STAC: variants seen among roughly 807,000 people sequenced by gnomAD.
The protein encoded by STAC is SH3 and cysteine rich domain, also known as SH3 and cysteine-rich domain-containing protein.
In STAC, 43 loss-of-function variants were observed where a neutral mutation model predicts 48.8. The ratio of observed to expected loss-of-function variants is 0.88; its 90% confidence interval spans 0.69 to 1.14. The LOEUF is 1.14. Among genes scored for constraint, STAC ranks in the 50% most tolerant of loss-of-function variants. STAC has a pLI of 0.00. For missense variants in STAC, 497 were observed against 504.0 expected (o/e 0.99, Z 0.13); for synonymous variants, 193 against 179.5 (o/e 1.07, Z -0.60).
intron 10 of STAC, among the ~76,000 whole-genome samples, chr3:36,542,757 C>A (rs1268760950): frequency 6.6e-6 from 1 of 152,208 alleles, no homozygotes; most frequent in African/African-American, 2.4e-5. Flanking sequence ...GCCATCAAAA[C>A]AGCCACAGCC....
chr3:36,515,626 GT>G (rs1698652733), intron 8 of STAC, among the ~76,000 whole-genome samples: 1 of 152,176 alleles, frequency 6.6e-6, no homozygotes, highest in African/African-American at 2.4e-5. Flanking sequence ...TTACCCATTT[GT>G]CTGGTGTTCA....
intron 1 of STAC, among the ~76,000 whole-genome samples, chr3:36,391,391 A>T (rs759681549): frequency 6.6e-6 from 1 of 152,128 alleles, no homozygotes; most frequent in Non-Finnish European, 1.5e-5. Context: ...TTATCATTTC[A>T]TCCACCAGCT....
intron 2 of STAC, among the ~76,000 whole-genome samples, chr3:36,454,295 C>G (rs533823310): frequency 3.9e-5 from 6 of 152,074 alleles, no homozygotes; most frequent in Admixed American, 3.9e-4. Flanking sequence ...AGCAAGACCA[C>G]GAGCCCACCG....
intron 1 of STAC, among the ~76,000 whole-genome samples, chr3:36,424,991 T>C (rs906613406): frequency 3.3e-5 from 5 of 152,152 alleles, no homozygotes; most frequent in Non-Finnish European, 7.3e-5. Flanking sequence ...GGTAATAAGT[T>C]TGAAGGCAAA....
chr3:36,519,582 C>T (rs937959320), intron 8 of STAC, among the ~76,000 whole-genome samples: 20 of 152,318 alleles, frequency 1.3e-4, no homozygotes, highest in African/African-American at 4.8e-4. Context: ...TGGCCCCTCA[C>T]ATCACTTATT....
At position 36,543,266 on chromosome 3, in the gene STAC, T is replaced by C. The variant is rs528367363; in HGVS notation, c.1111-2925T>C. 8.5e-5 allele frequency among the ~76,000 whole-genome samples: 13 copies of C among 152,296 alleles called. No homozygotes were observed. In the East Asian group the frequency reaches 2.5e-3, roughly 29 times the overall value. ...AAATGTTTCAGGCTCTGCCATTGTTTCCTAAAATGGTAGATTCTCAAGGCT... is the reference window on the plus strand; with the variant it reads ...AAATGTTTCAGGCTCTGCCATTGTTCCCTAAAATGGTAGATTCTCAAGGCT... On this transcript the variant is annotated intron_variant, in intron 10 of 10. Transcript: ENST00000273183.
chr3:36,547,003 G>A lies in STAC; in HGVS notation c.*714G>A, dbSNP rs1699463208. ...TCCTGCTGTTCTAGGTACTGGCCTG[G>A]GTGACAGAGCAGGACATGAGACATA... On this transcript the variant is annotated 3_prime_UTR_variant, in exon 11 of 11. Coordinates refer to ENST00000273183, the MANE Select transcript of STAC (RefSeq NM_003149.3). 6.6e-6 allele frequency: 1 copy of A among 152,366 alleles called. No homozygotes were observed. Among genetic ancestry groups the A allele is most frequent in the Admixed American group, 6.5e-5 (1 of 15,284 alleles). 9.4% of individuals were successfully genotyped at this position (152,366 alleles called of 1,614,324 possible). A position where few individuals can be genotyped will look rare whatever the true frequency, so the allele number is the denominator to read the frequency against.
chr3:36,385,029 A>T (rs1343140537), intron 1 of STAC, among the ~76,000 whole-genome samples: 1 of 152,196 alleles, frequency 6.6e-6, no homozygotes, highest in Non-Finnish European at 1.5e-5. Context: ...CTTTGCATTG[A>T]AATCACCAAG....
intron 2 of STAC, among the ~76,000 whole-genome samples, chr3:36,458,412 A>G (rs1696910657): frequency 6.6e-6 from 1 of 152,212 alleles, no homozygotes; most frequent in African/African-American, 2.4e-5. Context: ...AAATATCACA[A>G]TGAGAAGACA....
intron 8 of STAC, among the ~76,000 whole-genome samples, chr3:36,525,642 C>CTTAGTATCAAACACT (rs1335708157): frequency 1.3e-5 from 2 of 152,212 alleles, no homozygotes; most frequent in African/African-American, 4.8e-5. Flanking sequence ...GATACTGACT[C>CTTAGTATCAAACACT]ATGGTTTCTT....
intron 2 of STAC, among the ~76,000 whole-genome samples, chr3:36,463,631 A>G (rs943556462): frequency 1.3e-5 from 2 of 150,948 alleles, no homozygotes; most frequent in African/African-American, 4.9e-5. Context: ...GTCATTCAAC[A>G]TTAGGTATAT....
intron 10 of STAC, among the ~76,000 whole-genome samples, chr3:36,539,230 G>A (rs1007157595): frequency 1.3e-5 from 2 of 151,700 alleles, no homozygotes; most frequent in African/African-American, 4.8e-5. Context: ...TAAGTTCAGG[G>A]GTACAGTGCA....
At chr3:36,421,870 T>C (rs1044648185) in intron 1 of STAC, among the ~76,000 whole-genome samples, 10 of 152,088 alleles carry the variant, frequency 6.6e-5, no homozygotes, top group African/African-American at 2.4e-4. Flanking sequence ...TTTCCTGAAC[T>C]CTTCAAGACC....
At chr3:36,484,295 T>C (rs1366003704) in intron 3 of STAC, among the ~76,000 whole-genome samples, 3 of 152,220 alleles carry the variant, frequency 2.0e-5, no homozygotes, top group Non-Finnish European at 4.4e-5. Flanking sequence ...TCTGGAATTC[T>C]AGAAGGGACT....
intron 2 of STAC, among the ~76,000 whole-genome samples, chr3:36,480,514 C>CT (rs912564227): frequency 1.3e-5 from 2 of 152,104 alleles, no homozygotes; most frequent in African/African-American, 4.8e-5. Context: ...ATGCCAGGTT[C>CT]TTACCCCCCC....
chr3:36,471,691 T>C (rs985142738), intron 2 of STAC, among the ~76,000 whole-genome samples: 1 of 152,146 alleles, frequency 6.6e-6, no homozygotes, highest in Non-Finnish European at 1.5e-5. Context: ...CTGTCAAATT[T>C]TAAAGCTCCA....
intron 5 of STAC, among the ~76,000 whole-genome samples, chr3:36,488,393 C>G (rs1216974889): frequency 6.6e-6 from 1 of 152,220 alleles, no homozygotes; most frequent in Non-Finnish European, 1.5e-5. Context: ...AAACCCCTGA[C>G]TTACTCGAGG....
At chr3:36,445,609 G>T (rs1696487695) in intron 2 of STAC, among the ~76,000 whole-genome samples, 1 of 152,122 alleles carries the variant, frequency 6.6e-6, no homozygotes, top group Non-Finnish European at 1.5e-5. Flanking sequence ...GAGCACAATT[G>T]ATCTGCCTCT....
Position 36,518,757 on chromosome 3 carries a change from A to T in STAC, c.921-9939A>T, listed in dbSNP as rs564231059. On this transcript the variant is annotated intron_variant, in intron 8 of 10. Coordinates refer to ENST00000273183, the MANE Select transcript of STAC (RefSeq NM_003149.3). ...CATCTCTTTGGGGTATTTTCAAAGC[A>T]CTACTTTAAAAAGAGTTAAAAGTGA... is the stretch of plus-strand genomic sequence containing the variant. 2.0e-5 allele frequency among the ~76,000 whole-genome samples: 3 copies of T among 152,312 alleles called. No individual in the cohort carries two copies. In the South Asian group the frequency reaches 6.2e-4, roughly 32 times the overall value.
Sources: gnomAD v4.1 joint callset for allele counts (sites outside exome capture counted in the v4.1 genomes callset) on GRCh38, gnomAD v4.1.1 for gene constraint, MANE v1.5 for transcripts, NCBI Gene and HGNC (gene_info 2026-07-23, HGNC 2026-07-21) for gene names.